Variants in TAF2 observed in about 807,000 individuals in gnomAD.
TAF2 encodes the protein transcription initiation factor TFIID subunit 2.
In TAF2, 61 loss-of-function variants were observed where a neutral mutation model predicts 138.5. That is an observed-to-expected ratio of 0.44 (90% CI 0.36 to 0.54). The LOEUF is 0.54. Ranked by LOEUF, TAF2 falls within the 20% of genes least tolerant of loss-of-function variation. The pLI is 0.00. For missense variants in TAF2, 1,090 were observed against 1,427.9 expected (o/e 0.76, Z 3.81); for synonymous variants, 475 against 469.9 (o/e 1.01, Z -0.14).
In TAF2 at chr8:119,755,992, C is replaced by A. The variant is rs1188812803; in HGVS notation, c.2878+14G>T. ...TAGTAATAATAAAAACAATTTAAAT[C>A]CCTGCTCTCTCACCAGAATTCATAA... On this transcript the variant is annotated intron_variant, in intron 22 of 25. Transcript: ENST00000378164. 6.4e-7 allele frequency: 1 copy of A among 1,564,414 alleles called. No homozygotes were observed. The highest frequency in any genetic ancestry group is 8.8e-7 in the Non-Finnish European group (1 of 1,135,362).
intron 25 of TAF2, among the ~76,000 whole-genome samples, chr8:119,733,103 G>A (rs945407277): frequency 6.6e-6 from 1 of 152,138 alleles, no homozygotes. Context: ...GTATACCAGG[G>A]AGGGATCTTG....
chr8:119,823,824 C>T (rs1055929079), intron 2 of TAF2, among the ~76,000 whole-genome samples: 5 of 152,204 alleles, frequency 3.3e-5, no homozygotes, highest in African/African-American at 1.2e-4. Flanking sequence ...ATGGCTTTGA[C>T]CAAAATGTTG....
intron 3 of TAF2, among the ~76,000 whole-genome samples, chr8:119,816,445 T>C (rs1825482746): frequency 6.6e-6 from 1 of 152,190 alleles, no homozygotes; most frequent in South Asian, 2.1e-4. Flanking sequence ...AAATATTATT[T>C]CTTTCAGTGT....
intron 18 of TAF2, among the ~76,000 whole-genome samples, chr8:119,764,200 C>T (rs980849761): frequency 2.0e-5 from 3 of 151,762 alleles, no homozygotes; most frequent in South Asian, 4.2e-4. Context: ...TTTATTTCAG[C>T]GGTCTGGTGG....
chr8:119,788,486 A>T (rs748902459), intron 13 of TAF2, 39 bp from the exon 14 acceptor site: 648 of 1,457,588 alleles, frequency 4.4e-4, no homozygotes, highest in Non-Finnish European at 4.7e-4. Context: ...GATGTGATTT[A>T]AAAAATACCA....
Position 119,788,418 on chromosome 8 carries a change from T to C in TAF2, c.1713A>G (p.Leu571=), listed in dbSNP as rs987701536. The change falls in exon 14 of 26, where the codon TTA becomes TTG. Residue 571 remains leucine, a synonymous_variant. Coordinates refer to ENST00000378164, the MANE Select transcript of TAF2 (RefSeq NM_003184.4). ...GCAGTGTATGATTGAAGGATCCATC[T>C]AACTCCTGCACTGTCACTTTAAGTG... is the stretch of plus-strand genomic sequence containing the variant. ...VGPLKVTVQE[L]DGSFNHTLQI... The C allele has an allele frequency of 6.8e-6, 11 of 1,613,264 alleles. No homozygotes were observed. The African/African-American group carries it at 1.2e-4, about 18-fold the overall frequency.
rs775949631 is a variant in TAF2 at position 119,791,348 on chromosome 8, C to T, written c.1389G>A (p.Arg463=). The T allele has an allele frequency of 1.2e-6, 2 of 1,613,522 alleles. No homozygotes were observed. The highest frequency in any genetic ancestry group is 1.3e-5 in the African/African-American group (1 of 74,870). ...CTTGTAGCATAAATTCCATACTGAT[C>T]CTATTTTCAATCAATCTCATCACAA... The part of the protein sequence containing the change: ...AHLVMRLIEN[R]ISMEFMLQVF... Residue 463 remains arginine (R), a synonymous_variant, in exon 11 of 26, where the codon AGG becomes AGA. Transcript: ENST00000378164.
rs1822945692 is a variant in TAF2, at chr8:119,785,366, T to C, written c.1794-100A>G. The C allele has an allele frequency of 3.7e-5, 30 of 808,856 alleles. No individual in the cohort carries two copies. In the South Asian group the frequency reaches 4.3e-4, roughly 12 times the overall value. The allele number at this position is 808,856 out of a possible 1,614,324, so 50.1% of individuals were successfully genotyped here. On this transcript the variant is annotated intron_variant, in intron 14 of 25. Coordinates refer to ENST00000378164, the MANE Select transcript of TAF2 (RefSeq NM_003184.4). Reference sequence around the variant, plus strand: ...TCAAATAAAGTATTTCACACAACATTGAAAGCTATCCTTAGGAAAAATGGC... The same window carrying C: ...TCAAATAAAGTATTTCACACAACATCGAAAGCTATCCTTAGGAAAAATGGC...
intron 9 of TAF2, among the ~76,000 whole-genome samples, chr8:119,794,395 C>CAAAAAA (rs147358018): frequency 8.4e-6 from 1 of 119,104 alleles, no homozygotes; most frequent in Non-Finnish European, 1.8e-5. Flanking sequence ...GACTCCGTCT[C>CAAAAAA]AAAAAAAAAA....
In TAF2 at chr8:119,788,442, T is replaced by G. The variant is rs746195889; in HGVS notation, c.1689A>C (p.Pro563=). ...CTAACTCCTGCACTGTCACTTTAAGTGGTCCCTTTTAAAAAAAAAACGTAC... is the reference window on the plus strand; with the variant it reads ...CTAACTCCTGCACTGTCACTTTAAGGGGTCCCTTTTAAAAAAAAAACGTAC... ...TSPGTQKYVG[P]LKVTVQELDG... is the part of the protein sequence containing the mutation. Residue 563 remains proline (P), a synonymous_variant, in exon 14 of 26, where the codon CCA becomes CCC. Transcript: ENST00000378164. 5.0e-6 allele frequency: 8 copies of G among 1,611,458 alleles called. No individual in the cohort carries two copies. The highest frequency in any genetic ancestry group is 6.8e-6 in the Non-Finnish European group (8 of 1,179,084).
intron 3 of TAF2, among the ~76,000 whole-genome samples, chr8:119,807,447 G>A (rs931124043): frequency 1.4e-4 from 21 of 152,066 alleles, no homozygotes; most frequent in Admixed American, 6.5e-5. Context: ...AAAAAAATAC[G>A]AAAGAAATGA....
intron 22 of TAF2, among the ~76,000 whole-genome samples, chr8:119,751,501 T>TA (rs1820350437): frequency 6.6e-6 from 1 of 152,216 alleles, no homozygotes; most frequent in South Asian, 2.1e-4. Flanking sequence ...ATGCTACCTC[T>TA]CCATGAACAT....
chr8:119,801,027 G>C (rs1463447272), intron 6 of TAF2, among the ~76,000 whole-genome samples: 2 of 152,210 alleles, frequency 1.3e-5, no homozygotes. Context: ...GAAGAAACTA[G>C]AAGTCTTCAT....
chr8:119,777,974 T>C, intron 18 of TAF2, 45 bp downstream of exon 18: 5 of 1,039,058 alleles, frequency 4.8e-6, no homozygotes, highest in Non-Finnish European at 7.2e-6. Context: ...AAGAAAATTA[T>C]CTAAGACAAC....
chr8:119,789,754 G>A lies in TAF2; in HGVS notation c.1414-8C>T, dbSNP rs1354205582. On this transcript the variant is annotated splice_region_variant and splice_polypyrimidine_tract_variant and intron_variant, in intron 11 of 25. Transcript: ENST00000378164. Reference sequence around the variant, plus strand: ...TAGCAGTTTATTGAAAACCTGTAAGGATAAAATCATTTAGTAAATTCATAT... The same window carrying A: ...TAGCAGTTTATTGAAAACCTGTAAGAATAAAATCATTTAGTAAATTCATAT... 3 of 1,612,386 alleles carry A rather than the reference G, an allele frequency of 1.9e-6. No homozygotes were observed. Among genetic ancestry groups the A allele is most frequent in the Non-Finnish European group, 2.5e-6 (3 of 1,179,308 alleles).
chr8:119,782,117 G>C (rs964649074), intron 16 of TAF2, among the ~76,000 whole-genome samples: 1 of 152,176 alleles, frequency 6.6e-6, no homozygotes, highest in African/African-American at 2.4e-5. Context: ...CGTTTAGACA[G>C]ATATAATTCT....
rs1015156179 is a variant in TAF2 at position 119,809,868 on chromosome 8, T to C, written c.300-3467A>G. On this transcript the variant is annotated intron_variant, in intron 3 of 25. Coordinates refer to ENST00000378164, the MANE Select transcript of TAF2 (RefSeq NM_003184.4). ...TCACAGATTACCTTAACAGATATAA[T>C]AATGAAAAAGTTTGAAATATTGCAA... is the stretch of plus-strand genomic sequence containing the variant. Among the ~76,000 whole-genome samples, 7 of 152,126 alleles carry C rather than the reference T, an allele frequency of 4.6e-5. No homozygotes were observed. The South Asian group carries it at 1.2e-3, about 27-fold the overall frequency.
intron 16 of TAF2, among the ~76,000 whole-genome samples, chr8:119,782,324 T>A (rs1822723457): frequency 6.6e-6 from 1 of 152,160 alleles, no homozygotes; most frequent in African/African-American, 2.4e-5. Flanking sequence ...CCCCAAAAAA[T>A]GAAATTATGA....
chr8:119,764,702 T>C (rs1821304901), intron 18 of TAF2, among the ~76,000 whole-genome samples: 1 of 152,046 alleles, frequency 6.6e-6, no homozygotes, highest in Non-Finnish European at 1.5e-5. Flanking sequence ...ATGAGTAAAA[T>C]CACTATACAA....
Sources: gnomAD v4.1 joint callset for allele counts (sites outside exome capture counted in the v4.1 genomes callset) on GRCh38, gnomAD v4.1.1 for gene constraint, MANE v1.5 for transcripts, NCBI Gene and HGNC (gene_info 2026-07-23, HGNC 2026-07-21) for gene names.